Variants in PHF21B observed in about 807,000 individuals in gnomAD.
PHF21B encodes PHD finger protein 4.
In PHF21B, 22 loss-of-function variants were observed where a neutral mutation model predicts 62.2. That is an observed-to-expected ratio of 0.35 (90% confidence interval 0.25 to 0.51). PHF21B has a LOEUF of 0.51. Among genes scored for constraint, PHF21B ranks in the 20% least tolerant of loss-of-function variants. The pLI is 0.97. For missense variants in PHF21B, 701 were observed against 707.9 expected (o/e 0.99, Z 0.11); for synonymous variants, 341 against 314.7 (o/e 1.08, Z -0.88).
chr22:44,891,816 TG>T (rs1363326071), intron 7 of PHF21B, among the ~76,000 whole-genome samples: 1 of 152,252 alleles, frequency 6.6e-6, no homozygotes, highest in Non-Finnish European at 1.5e-5. Context: ...CAAAGGTTTC[TG>T]GAACATTCCA....
At chr22:44,939,020 C>T (rs2071903486) in intron 2 of PHF21B, among the ~76,000 whole-genome samples, 2 of 152,248 alleles carry the variant, frequency 1.3e-5, no homozygotes, top group African/African-American at 4.8e-5. Context: ...GCTGCACACA[C>T]ACGGCGCCTC....
At position 44,896,086 on chromosome 22, in the gene PHF21B, G is replaced by A; in HGVS notation, c.832-3C>T. On this transcript the variant is annotated splice_region_variant and splice_polypyrimidine_tract_variant and intron_variant, in intron 5 of 12. Transcript: ENST00000313237. ...AGCGCTACCATGAAGGCGATTTTCTGAGGGAAGGAACAGACAAAGGAGCAT... is the reference window on the plus strand; with the variant it reads ...AGCGCTACCATGAAGGCGATTTTCTAAGGGAAGGAACAGACAAAGGAGCAT... The A allele has an allele frequency of 6.2e-7, 1 of 1,614,156 alleles. No homozygotes were observed. Among genetic ancestry groups the A allele is most frequent in the South Asian group, 1.1e-5 (1 of 91,088 alleles).
chr22:44,962,172 C>A (rs1210206565), intron 2 of PHF21B, among the ~76,000 whole-genome samples: 1 of 152,148 alleles, frequency 6.6e-6, no homozygotes, highest in Non-Finnish European at 1.5e-5. Context: ...GTTTTAAGTT[C>A]TTTGAGAAAT....
At chr22:44,911,161 G>T (rs1250117940) in intron 5 of PHF21B, among the ~76,000 whole-genome samples, 1 of 152,210 alleles carries the variant, frequency 6.6e-6, no homozygotes, top group Non-Finnish European at 1.5e-5. Context: ...CAAAGCATTT[G>T]AGAGGTGACT....
At chr22:44,899,393 C>T (rs751388670) in intron 5 of PHF21B, among the ~76,000 whole-genome samples, 5 of 150,940 alleles carry the variant, frequency 3.3e-5, no homozygotes, top group Admixed American at 6.6e-5. Flanking sequence ...TGGTTTCAAC[C>T]GATTCTCTTG....
intron 3 of PHF21B, among the ~76,000 whole-genome samples, chr22:44,919,583 G>C (rs1419822081): frequency 6.6e-6 from 1 of 152,210 alleles, no homozygotes; most frequent in Non-Finnish European, 1.5e-5. Flanking sequence ...CCATCCTTGA[G>C]CTGGGGGAAT....
chr22:44,975,660 T>C (rs2072723976), intron 2 of PHF21B, among the ~76,000 whole-genome samples: 1 of 152,128 alleles, frequency 6.6e-6, no homozygotes, highest in African/African-American at 2.4e-5. Context: ...GCCACCTTCC[T>C]CCCCAAAGCT....
chr22:45,000,822 G>C (rs1038115045), intron 2 of PHF21B: 1 of 152,140 alleles, frequency 6.6e-6, no homozygotes, highest in African/African-American at 2.4e-5. Context: ...GGGCAGGGGG[G>C]TGGTTCCTGT....
At chr22:44,940,185 C>T (rs1197208268) in intron 2 of PHF21B, among the ~76,000 whole-genome samples, 3 of 152,172 alleles carry the variant, frequency 2.0e-5, no homozygotes, top group South Asian at 2.1e-4. Context: ...CCAGTTTTTC[C>T]GCACCTCCTC....
chr22:44,944,077 G>A (rs769939876), intron 2 of PHF21B, among the ~76,000 whole-genome samples: 1 of 152,144 alleles, frequency 6.6e-6, no homozygotes, highest in African/African-American at 2.4e-5. Flanking sequence ...CTCCACCTTC[G>A]GTAAGATGCT....
intron 5 of PHF21B, among the ~76,000 whole-genome samples, chr22:44,907,848 G>A (rs1291517202): frequency 6.6e-6 from 1 of 152,158 alleles, no homozygotes; most frequent in Non-Finnish European, 1.5e-5. Flanking sequence ...ACTGGCCTGT[G>A]AGCTCCCTAG....
chr22:45,000,361 T>C (rs1205923231), intron 2 of PHF21B, among the ~76,000 whole-genome samples: 2 of 151,876 alleles, frequency 1.3e-5, no homozygotes, highest in Non-Finnish European at 2.9e-5. Flanking sequence ...AGAAGGAGTG[T>C]GGCGCCCTCA....
chr22:44,980,932 C>T (rs545328441), intron 2 of PHF21B, among the ~76,000 whole-genome samples: 1 of 152,338 alleles, frequency 6.6e-6, no homozygotes, highest in East Asian at 1.9e-4. Context: ...TGTCTTGCTG[C>T]TAATACATTT....
chr22:44,904,504 G>GGGTATAA (rs1555934857), intron 5 of PHF21B, among the ~76,000 whole-genome samples: 1 of 144,058 alleles, frequency 6.9e-6, no homozygotes, highest in Admixed American at 7.0e-5. Context: ...CAACTTAACT[G>GGGTATAA]AGCTTCCAGA....
chr22:45,007,500 C>G (rs1041284907), intron 2 of PHF21B, among the ~76,000 whole-genome samples: 3 of 146,690 alleles, frequency 2.0e-5, no homozygotes, highest in Non-Finnish European at 4.5e-5. Context: ...GCGGCTGCGG[C>G]CGGCATTCCG....
chr22:44,939,740 C>A (rs1462687940), intron 2 of PHF21B, among the ~76,000 whole-genome samples: 1 of 152,016 alleles, frequency 6.6e-6, no homozygotes, highest in Admixed American at 6.5e-5. Flanking sequence ...CCGAAGGCAG[C>A]AAAGGCCACC....
intron 1 of PHF21B, 86 bp from the exon 2 acceptor site, chr22:45,008,696 G>A (rs1032913314): frequency 4.2e-5 from 51 of 1,220,202 alleles, no homozygotes; most frequent in Middle Eastern, 6.4e-4. Flanking sequence ...CCCCCCGCCC[G>A]GAGCCCCACG....
At chr22:44,896,805 A>C (rs2071064808) in intron 5 of PHF21B, among the ~76,000 whole-genome samples, 1 of 150,734 alleles carries the variant, frequency 6.6e-6, no homozygotes, top group South Asian at 2.1e-4. Flanking sequence ...TTTTGTAATG[A>C]CCATTTCTTT....
intron 2 of PHF21B, chr22:44,933,488 T>C (rs1303026975): frequency 3.0e-6 from 3 of 985,380 alleles, no homozygotes; most frequent in Non-Finnish European, 3.6e-6. Flanking sequence ...GCTGGGTCCC[T>C]TGTGCACAGA....
Sources: allele counts gnomAD v4.1 joint callset (sites outside exome capture counted in the v4.1 genomes callset), GRCh38; gene constraint gnomAD v4.1.1; transcripts MANE v1.5; gene names NCBI Gene and HGNC (gene_info 2026-07-23, HGNC 2026-07-21).